BCL11A: variants seen among roughly 807,000 people sequenced by gnomAD.
BCL11A encodes the protein BCL11 transcription factor A, also known as B cell CLL/lymphoma 11A.
Under a neutral mutation model 55.9 loss-of-function variants are expected in BCL11A, and 2 were observed. That is an observed-to-expected ratio of 0.04 (90% CI 0.01 to 0.11). BCL11A has a LOEUF of 0.11. Among genes scored for constraint, BCL11A ranks in the 10% least tolerant of loss-of-function variants. The pLI is 1.00. For synonymous variants in BCL11A, 465 were observed against 473.4 expected (o/e 0.98, Z 0.23); for missense variants, 817 against 1,137.1 (o/e 0.72, Z 4.05).
chr2:60,452,882 T>C, downstream of BCL11A: 3 of 479,462 alleles, frequency 6.3e-6, no homozygotes, highest in South Asian at 2.3e-5. Context: ...CTCCCTTCCG[T>C]CCCCCCAAGG....
At chr2:60,472,186 T>A (rs923948011) in intron 2 of BCL11A, among the ~76,000 whole-genome samples, 1 of 152,190 alleles carries the variant, frequency 6.6e-6, no homozygotes, top group Non-Finnish European at 1.5e-5. Context: ...AGGCTCTCCA[T>A]CAGGTCCAGG....
At chr2:60,515,879 C>A (rs1233716778) in intron 2 of BCL11A, among the ~76,000 whole-genome samples, 1 of 152,178 alleles carries the variant, frequency 6.6e-6, no homozygotes, top group Non-Finnish European at 1.5e-5. Flanking sequence ...GAGTCACCAC[C>A]AGGCTGCGCT....
Position 60,459,009 on chromosome 2 carries a change from T to A in BCL11A, c.*1395A>T. 9.7e-7 allele frequency: 1 copy of A among 1,026,650 alleles called. No homozygotes were observed. Among genetic ancestry groups the A allele is most frequent in the Non-Finnish European group, 1.2e-6 (1 of 853,064 alleles). The allele number at this position is 1,026,650 out of a possible 1,614,324, so 63.6% of individuals were successfully genotyped here. A position where few individuals can be genotyped will look rare whatever the true frequency, so the allele number is the denominator to read the frequency against. Reference sequence around the variant, plus strand: ...CTTAAAATTCTTTCTCTTCTTTTTTTAAGAATGTCACATTTAAATGCAAGT... The same window carrying A: ...CTTAAAATTCTTTCTCTTCTTTTTTAAAGAATGTCACATTTAAATGCAAGT... On this transcript the variant is annotated 3_prime_UTR_variant, in exon 4 of 4. Transcript: ENST00000642384.
intron 2 of BCL11A, among the ~76,000 whole-genome samples, chr2:60,471,087 C>A (rs1410168261): frequency 1.3e-5 from 2 of 152,154 alleles, no homozygotes; most frequent in African/African-American, 4.8e-5. Context: ...AGTACTTAAC[C>A]GTCTTGGGGG....
chr2:60,456,005 A>G (rs1447916273), downstream of BCL11A, among the ~76,000 whole-genome samples: 3 of 151,982 alleles, frequency 2.0e-5, no homozygotes, highest in Admixed American at 2.0e-4. Context: ...ATATTCTCCA[A>G]CATCCTTTCT....
At chr2:60,470,242 C>A (rs533983354) in intron 2 of BCL11A, among the ~76,000 whole-genome samples, 1 of 152,238 alleles carries the variant, frequency 6.6e-6, no homozygotes, top group East Asian at 1.9e-4. Flanking sequence ...TCCTCTCTGA[C>A]CCAAAACAAA....
At chr2:60,453,595 T>A (rs1275990726), downstream of BCL11A, among the ~76,000 whole-genome samples, 1 of 152,204 alleles carries the variant, frequency 6.6e-6, no homozygotes, top group Non-Finnish European at 1.5e-5. Flanking sequence ...TTCTGGGGAA[T>A]CCCATTCCCA....
rs116384337 is a variant in BCL11A, at chr2:60,466,862, G to A, written c.487+1870C>T. ...TCACACTTCTTTTCTTCTTGAACCT[G>A]CTTTTTTGTGTTTAGGGTGGAATCA... On this transcript the variant is annotated intron_variant, in intron 3 of 3. Transcript: ENST00000642384. Among the ~76,000 whole-genome samples the A allele has an allele frequency of 7.8e-3, 1,178 of 151,496 alleles. 6 individuals carry two copies. The highest frequency in any genetic ancestry group is 0.012 in the Non-Finnish European group (823 of 67,918).
chr2:60,506,816 A>T (rs982808159), intron 2 of BCL11A, among the ~76,000 whole-genome samples: 1 of 152,202 alleles, frequency 6.6e-6, no homozygotes, highest in African/African-American at 2.4e-5. Context: ...ATGTGATTTC[A>T]TTATAGCCTC....
rs1250628192 is a variant in BCL11A at position 60,532,962 on chromosome 2, G to A, written c.385+13009C>T. 2.6e-5 allele frequency: 4 copies of A among 152,236 alleles called. No individual in the cohort carries two copies. In the East Asian group the frequency reaches 7.7e-4, roughly 29 times the overall value. The allele number at this position is 152,236 out of a possible 1,614,324, so 9.4% of individuals were successfully genotyped here. On this transcript the variant is annotated intron_variant, in intron 2 of 3. Coordinates refer to ENST00000642384, the MANE Select transcript of BCL11A (RefSeq NM_022893.4). ...ATTTACTTCCTGTAGAATTATTTGT[G>A]TACTTGACATTTATACAGTTTCTCC...
At chr2:60,491,082 G>A (rs1342652923) in intron 2 of BCL11A, among the ~76,000 whole-genome samples, 1 of 152,140 alleles carries the variant, frequency 6.6e-6, no homozygotes, top group Admixed American at 6.5e-5. Context: ...GCGCCAGGTT[G>A]GTAAAGTCTG....
intron 2 of BCL11A, among the ~76,000 whole-genome samples, chr2:60,529,506 G>A (rs1669353568): frequency 6.6e-6 from 1 of 152,136 alleles, no homozygotes; most frequent in Non-Finnish European, 1.5e-5. Context: ...TATGTCAAGG[G>A]CATATTTCCC....
At chr2:60,504,881 A>G (rs1318742273) in intron 2 of BCL11A, among the ~76,000 whole-genome samples, 1 of 152,126 alleles carries the variant, frequency 6.6e-6, no homozygotes, top group Non-Finnish European at 1.5e-5. Flanking sequence ...CCTTGCTCCA[A>G]ACTATTAAAA....
intron 2 of BCL11A, among the ~76,000 whole-genome samples, chr2:60,477,082 G>A (rs1183744886): frequency 3.3e-5 from 5 of 152,054 alleles, no homozygotes; most frequent in South Asian, 2.1e-4. Flanking sequence ...AGAAAAGGAT[G>A]GGAAATCATC....
chr2:60,549,853 T>G (rs922107378), intron 1 of BCL11A: 1 of 152,262 alleles, frequency 6.6e-6, no homozygotes, highest in African/African-American at 2.4e-5. Context: ...GCTTACACTT[T>G]TTACTTTGGG....
intron 2 of BCL11A, among the ~76,000 whole-genome samples, chr2:60,497,062 G>C (rs753629030): frequency 6.6e-6 from 1 of 152,300 alleles, no homozygotes; most frequent in East Asian, 1.9e-4. Flanking sequence ...CCCCAGTGTT[G>C]AGTGGACAGG....
chr2:60,491,622 G>T (rs1678636861), intron 2 of BCL11A, among the ~76,000 whole-genome samples: 1 of 150,982 alleles, frequency 6.6e-6, no homozygotes, highest in African/African-American at 2.4e-5. Flanking sequence ...AGTGAGCCGA[G>T]ATCGCGCCAT....
chr2:60,469,354 C>G (rs1283993360), intron 2 of BCL11A, among the ~76,000 whole-genome samples: 1 of 152,196 alleles, frequency 6.6e-6, no homozygotes, highest in Non-Finnish European at 1.5e-5. Flanking sequence ...CCTCTGCCCC[C>G]CTCTTCCCAT....
intron 2 of BCL11A, chr2:60,528,317 C>T (rs1340687701): frequency 2.0e-5 from 3 of 152,566 alleles, no homozygotes; most frequent in Non-Finnish European, 2.9e-5. Flanking sequence ...TCATTCAGCC[C>T]ACTGCAGTCT....
Sources: allele counts gnomAD v4.1 joint callset (sites outside exome capture counted in the v4.1 genomes callset), GRCh38; gene constraint gnomAD v4.1.1; transcripts MANE v1.5; gene names NCBI Gene and HGNC (gene_info 2026-07-23, HGNC 2026-07-21).